PTCD2: variants seen among roughly 807,000 people sequenced by gnomAD.
The protein encoded by PTCD2 is pentatricopeptide repeat-containing protein 2, mitochondrial.
In PTCD2, 31 loss-of-function variants were observed where a neutral mutation model predicts 42.6. That is an observed-to-expected ratio of 0.73 (90% CI 0.55 to 0.98). The LOEUF (loss-of-function observed/expected upper bound fraction) is 0.98, where lower values mean the gene tolerates loss of function less well. Ranked by LOEUF, PTCD2 falls within the 50% of genes least tolerant of loss-of-function variation. The pLI, the probability that PTCD2 is intolerant of heterozygous loss-of-function variation, is 0.00. For synonymous variants in PTCD2, 183 were observed against 170.9 expected (o/e 1.07, Z -0.55); for missense variants, 476 against 454.8 (o/e 1.05, Z -0.42).
chr5:72,333,605 A>G (rs762146482), intron 4 of PTCD2, among the ~76,000 whole-genome samples: 1 of 152,224 alleles, frequency 6.6e-6, no homozygotes, highest in Non-Finnish European at 1.5e-5. Context: ...GGCACACAAA[A>G]TGTTGAGATG....
In PTCD2 at chr5:72,366,481, G is replaced by A. The variant is rs928888979; in HGVS notation, c.*8054G>A. The A allele has an allele frequency of 2.0e-5, 3 of 152,198 alleles. No homozygotes were observed. The highest frequency in any genetic ancestry group is 7.2e-5 in the African/African-American group (3 of 41,442). The allele number at this position is 152,198 out of a possible 1,614,324, so 9.4% of individuals were successfully genotyped here. A position where few individuals can be genotyped will look rare whatever the true frequency, so the allele number is the denominator to read the frequency against. ...TTGCCTGCCCAAGTGCTGGCTGTGTGCATGTATTCTCAATAATCCCTGGCC... is the reference window on the plus strand; with the variant it reads ...TTGCCTGCCCAAGTGCTGGCTGTGTACATGTATTCTCAATAATCCCTGGCC... On this transcript the variant is annotated 3_prime_UTR_variant, in exon 10 of 10. Coordinates refer to ENST00000380639, the MANE Select transcript of PTCD2 (RefSeq NM_024754.5).
At chr5:72,328,542 A>C (rs1445436888) in intron 3 of PTCD2, among the ~76,000 whole-genome samples, 2 of 152,326 alleles carry the variant, frequency 1.3e-5, no homozygotes, top group Non-Finnish European at 2.9e-5. Context: ...ATGCACATAC[A>C]GAGAGGGAAG....
intron 6 of PTCD2, among the ~76,000 whole-genome samples, chr5:72,337,325 G>A (rs1213893100): frequency 6.6e-6 from 1 of 151,854 alleles, no homozygotes; most frequent in Non-Finnish European, 1.5e-5. Context: ...GTCATAGTTT[G>A]CTGACCTCTG....
At chr5:72,327,401 G>C (rs1273113576) in intron 3 of PTCD2, among the ~76,000 whole-genome samples, 1 of 152,082 alleles carries the variant, frequency 6.6e-6, no homozygotes, top group Non-Finnish European at 1.5e-5. Flanking sequence ...CCAGGGAGCA[G>C]TATGACATCA....
At chr5:72,328,990 C>T (rs951844570) in intron 3 of PTCD2, among the ~76,000 whole-genome samples, 1 of 152,174 alleles carries the variant, frequency 6.6e-6, no homozygotes, top group African/African-American at 2.4e-5. Context: ...TTTAAAGTCA[C>T]ACTGTATCTA....
intron 8 of PTCD2, among the ~76,000 whole-genome samples, chr5:72,349,072 A>ATTTTTC (rs1752497518): frequency 6.6e-6 from 1 of 152,218 alleles, no homozygotes; most frequent in Admixed American, 6.5e-5. Context: ...AAATTAGAGC[A>ATTTTTC]TTTATTTTTC....
intron 7 of PTCD2, among the ~76,000 whole-genome samples, chr5:72,341,207 G>A (rs1299486254): frequency 6.6e-6 from 1 of 151,796 alleles, no homozygotes; most frequent in Non-Finnish European, 1.5e-5. Flanking sequence ...GCCATGCCCA[G>A]CTGCTTTTTG....
intron 8 of PTCD2, among the ~76,000 whole-genome samples, chr5:72,346,535 G>T (rs1752368481): frequency 6.6e-6 from 1 of 152,152 alleles, no homozygotes; most frequent in South Asian, 2.1e-4. Flanking sequence ...TGAGCAGGTG[G>T]GTCAGCCTGA....
At chr5:72,325,768 G>A (rs1393306181) in intron 2 of PTCD2, among the ~76,000 whole-genome samples, 5 of 152,212 alleles carry the variant, frequency 3.3e-5, no homozygotes, top group African/African-American at 1.2e-4. Context: ...TTTCCTGGCA[G>A]CTTCTGATAC....
chr5:72,343,826 A>G (rs536749257), intron 8 of PTCD2, among the ~76,000 whole-genome samples: 2 of 152,330 alleles, frequency 1.3e-5, no homozygotes, highest in East Asian at 3.9e-4. Flanking sequence ...GTTATTAAGG[A>G]CACCATAGCC....
intron 4 of PTCD2, among the ~76,000 whole-genome samples, chr5:72,332,124 A>G (rs892891229): frequency 2.0e-5 from 3 of 152,204 alleles, no homozygotes; most frequent in Non-Finnish European, 4.4e-5. Flanking sequence ...AACATTTGCT[A>G]AATTTTGGGG....
intron 8 of PTCD2, among the ~76,000 whole-genome samples, chr5:72,344,318 C>G (rs1752238071): frequency 6.6e-6 from 1 of 152,206 alleles, no homozygotes; most frequent in African/African-American, 2.4e-5. Context: ...TCGAGATCAT[C>G]TTGGCCAACA....
chr5:72,360,239 T>C lies in PTCD2; in HGVS notation c.*1812T>C, dbSNP rs1753061914. On this transcript the variant is annotated 3_prime_UTR_variant, in exon 10 of 10. Transcript: ENST00000380639. The stretch of plus-strand genomic sequence containing the variant: ...AAAAAAAAAAAAGTGCTTGGATTTC[T>C]CCACTTTCAGTCTTAGGGAATAATA... 1 of 151,786 alleles carries C rather than the reference T, an allele frequency of 6.6e-6. No individual in the cohort carries two copies. The highest frequency in any genetic ancestry group is 1.5e-5 in the Non-Finnish European group (1 of 67,952). The allele number at this position is 151,786 out of a possible 1,614,324, so 9.4% of individuals were successfully genotyped here.
At chr5:72,356,367 C>T (rs1469748105) in intron 9 of PTCD2, among the ~76,000 whole-genome samples, 3 of 152,172 alleles carry the variant, frequency 2.0e-5, no homozygotes, top group Non-Finnish European at 4.4e-5. Flanking sequence ...AGTGTCTTCC[C>T]TCTGGTTACT....
chr5:72,337,360 A>G (rs1225857854), intron 6 of PTCD2, among the ~76,000 whole-genome samples: 1 of 151,812 alleles, frequency 6.6e-6, no homozygotes, highest in Non-Finnish European at 1.5e-5. Flanking sequence ...TTCCATTCAT[A>G]CCATTCTATG....
chr5:72,356,755 A>G (rs1031571653), intron 9 of PTCD2, among the ~76,000 whole-genome samples: 1 of 152,224 alleles, frequency 6.6e-6, no homozygotes, highest in African/African-American at 2.4e-5. Context: ...CACCTTGAAC[A>G]TGAGGACTAA....
chr5:72,357,476 C>T (rs1752933119), intron 9 of PTCD2, among the ~76,000 whole-genome samples: 1 of 152,174 alleles, frequency 6.6e-6, no homozygotes, highest in Non-Finnish European at 1.5e-5. Context: ...TCTGTACACT[C>T]CAGTTCATTC....
intron 1 of PTCD2, 31 bp from the exon 2 acceptor site, chr5:72,322,141 G>T (rs1325578389): frequency 8.5e-7 from 1 of 1,183,282 alleles, no homozygotes; most frequent in South Asian, 1.2e-5. Flanking sequence ...CAGTCAAAAT[G>T]ACTTTACTTT....
intron 9 of PTCD2, among the ~76,000 whole-genome samples, chr5:72,357,219 T>C (rs769630473): frequency 6.6e-6 from 1 of 152,150 alleles, no homozygotes; most frequent in African/African-American, 2.4e-5. Context: ...CTTCCAAATC[T>C]CGCCTCCCTG....
Sources: gnomAD v4.1 joint callset for allele counts (sites outside exome capture counted in the v4.1 genomes callset) on GRCh38, gnomAD v4.1.1 for gene constraint, MANE v1.5 for transcripts, NCBI Gene and HGNC (gene_info 2026-07-23, HGNC 2026-07-21) for gene names.